The following NUP58 variants were observed in gnomAD, a reference collection of about 807,000 sequenced individuals.
The protein encoded by NUP58 is nucleoporin p58/p45.
Under a neutral mutation model 70.1 loss-of-function variants are expected in NUP58, and 17 were observed. The observed-to-expected ratio is 0.24, with a 90% confidence interval of 0.17 to 0.36. The LOEUF (loss-of-function observed/expected upper bound fraction) is 0.36, where lower values mean the gene tolerates loss of function less well. Among genes scored for constraint, NUP58 ranks in the 10% least tolerant of loss-of-function variants. The pLI is 1.00. For synonymous variants in NUP58, 275 were observed against 257.6 expected, an observed-to-expected ratio of 1.07 and a Z score of -0.65; for missense variants, 644 against 701.5, an observed-to-expected ratio of 0.92 and a Z score of 0.93.
intron 1 of NUP58, among the ~76,000 whole-genome samples, chr13:25,303,672 A>T (rs1333657625): frequency 6.6e-6 from 1 of 152,032 alleles, no homozygotes. Flanking sequence ...AGTGCTGATC[A>T]CAATTGTAAT....
Position 25,332,187 on chromosome 13 carries a change from A to G in NUP58, c.1435+629A>G, listed in dbSNP as rs540069097. On this transcript the variant is annotated intron_variant, in intron 13 of 15. Transcript: ENST00000381736. ...AAGAGCAGGAAAAAGATGTTTTGAG[A>G]TGTGGATTGCACATTAAGGAGCAAC... is the stretch of plus-strand genomic sequence containing the variant. 5.4e-5 allele frequency: 53 copies of G among 986,106 alleles called. No homozygotes were observed. In the Middle Eastern group the frequency reaches 3.1e-3, roughly 58 times the overall value. The allele number at this position is 986,106 out of a possible 1,614,324, so 61.1% of individuals were successfully genotyped here. A position where few individuals can be genotyped will look rare whatever the true frequency, so the allele number is the denominator to read the frequency against.
intron 1 of NUP58, among the ~76,000 whole-genome samples, chr13:25,305,107 C>G (rs541701421): frequency 1.4e-5 from 2 of 143,122 alleles, no homozygotes; most frequent in East Asian, 4.2e-4. Context: ...TAAATTAAGA[C>G]TAAATGTTTA....
In NUP58 at chr13:25,309,247, G is replaced by A; in HGVS notation, c.251G>A (p.Gly84Glu). 1.9e-6 allele frequency: 3 copies of A among 1,604,478 alleles called. No individual in the cohort carries two copies. The highest frequency in any genetic ancestry group is 2.6e-6 in the Non-Finnish European group (3 of 1,171,890). ...ATTTTATTTCTCTTTTTGTCCCCAG[G>A]AATAGCAACAACTATAACTACAGGA... ...TGFTLGGTNT[G>E]IATTITTGLT... Residue 84 changes from glycine to glutamate, a missense_variant and splice_region_variant, in exon 3 of 16, where the codon GGA becomes GAA. By Grantham distance (98) the Gly-to-Glu change is moderately conservative. Coordinates refer to ENST00000381736, the MANE Select transcript of NUP58 (RefSeq NM_014089.4).
At chr13:25,330,626 C>T (rs1234197958) in intron 12 of NUP58, among the ~76,000 whole-genome samples, 1 of 152,150 alleles carries the variant, frequency 6.6e-6, no homozygotes, top group African/African-American at 2.4e-5. Flanking sequence ...AGAATTGTTG[C>T]TGTTGATGGC....
At chr13:25,319,784 ATTC>A (rs1341955386) in intron 7 of NUP58, among the ~76,000 whole-genome samples, 5 of 152,118 alleles carry the variant, frequency 3.3e-5, no homozygotes, top group African/African-American at 4.8e-5. Flanking sequence ...GAAGATGGTC[ATTC>A]TTCTTATTAC....
At chr13:25,346,142 G>A (rs560065779), downstream of NUP58, among the ~76,000 whole-genome samples, 81 of 152,232 alleles carry the variant, frequency 5.3e-4, no homozygotes, top group African/African-American at 1.9e-3. Context: ...AATACATATG[G>A]GTAGGATATT....
intron 13 of NUP58, chr13:25,336,269 G>A: frequency 7.3e-7 from 1 of 1,364,094 alleles, no homozygotes; most frequent in Middle Eastern, 2.1e-4. Flanking sequence ...ATCACTTTTT[G>A]TGAACAAGTT....
Position 25,301,702 on chromosome 13 carries a change from C to T in NUP58, c.-72C>T. The T allele has an allele frequency of 2.5e-6, 2 of 806,282 alleles. No individual in the cohort carries two copies. The highest frequency in any genetic ancestry group is 3.3e-5 in the East Asian group (1 of 30,270). 49.9% of individuals were successfully genotyped at this position (806,282 alleles called of 1,614,324 possible). ...GGCGAGAGAGATGCTGCCCGGCCCG[C>T]CTCGGCTTTGAGGCGAGAGAAGTGT... is the stretch of plus-strand genomic sequence containing the variant. On this transcript the variant is annotated 5_prime_UTR_variant, in exon 1 of 16. Coordinates refer to ENST00000381736, the MANE Select transcript of NUP58 (RefSeq NM_014089.4).
chr13:25,323,623 T>C (rs2031278611), intron 9 of NUP58, among the ~76,000 whole-genome samples: 1 of 152,204 alleles, frequency 6.6e-6, no homozygotes, highest in African/African-American at 2.4e-5. Flanking sequence ...TTCTGGGAAA[T>C]ATAAGCAGTT....
downstream of NUP58, among the ~76,000 whole-genome samples, chr13:25,342,935 A>C (rs953819159): frequency 1.3e-5 from 2 of 152,178 alleles, no homozygotes; most frequent in African/African-American, 4.8e-5. Context: ...ATATAGATTT[A>C]CTTTTTACAT....
rs935416129 is a variant in NUP58, at chr13:25,336,073, A to G, written c.1436-863A>G. On this transcript the variant is annotated intron_variant, in intron 13 of 15. Transcript: ENST00000381736. ...AAATCTTTAAAGTAACAAGAGGGAA[A>G]AGGATGACTAATCGTTCTGCTTCTG... 1.7e-5 allele frequency: 21 copies of G among 1,220,886 alleles called. No individual in the cohort carries two copies. The African/African-American group carries it at 3.5e-4, about 20-fold the overall frequency. The allele number at this position is 1,220,886 out of a possible 1,614,324, so 75.6% of individuals were successfully genotyped here. A position where few individuals can be genotyped will look rare whatever the true frequency, so the allele number is the denominator to read the frequency against.
chr13:25,314,167 A>G (rs1338757564), intron 5 of NUP58, among the ~76,000 whole-genome samples: 2 of 152,128 alleles, frequency 1.3e-5, no homozygotes, highest in Non-Finnish European at 2.9e-5. Flanking sequence ...TTCTGACCTC[A>G]AGTGATCCGG....
chr13:25,302,022 G>A, intron 1 of NUP58, 142 bp downstream of exon 1: 1 of 614,526 alleles, frequency 1.6e-6, no homozygotes, highest in Non-Finnish European at 2.8e-6. Context: ...CTAGCCGCCC[G>A]GCGTCGTAGG....
intron 3 of NUP58, among the ~76,000 whole-genome samples, chr13:25,348,040 T>A (rs1216244289): frequency 2.6e-5 from 4 of 152,190 alleles, no homozygotes; most frequent in Non-Finnish European, 4.4e-5. Context: ...TCTCCCTTGG[T>A]TGAGAAGCAG....
At chr13:25,328,740 AT>A (rs1566067957) in intron 12 of NUP58, among the ~76,000 whole-genome samples, 2 of 152,158 alleles carry the variant, frequency 1.3e-5, no homozygotes, top group Non-Finnish European at 2.9e-5. Flanking sequence ...TTAAAAATGT[AT>A]TTAAGTGAAA....
At chr13:25,343,830 C>CATAT (rs753908293), downstream of NUP58, among the ~76,000 whole-genome samples, 1 of 135,382 alleles carries the variant, frequency 7.4e-6, no homozygotes, top group Non-Finnish European at 1.7e-5. Flanking sequence ...TATATATACA[C>CATAT]ATATATATAT....
chr13:25,323,905 A>G (rs1395349842), intron 9 of NUP58, among the ~76,000 whole-genome samples: 1 of 152,162 alleles, frequency 6.6e-6, no homozygotes, highest in Non-Finnish European at 1.5e-5. Context: ...CCATCAGGTG[A>G]TATGATCCAG....
intron 1 of NUP58, among the ~76,000 whole-genome samples, chr13:25,307,366 C>G (rs2030420699): frequency 6.6e-6 from 1 of 151,966 alleles, no homozygotes; most frequent in African/African-American, 2.4e-5. Context: ...GCGTGTGCCA[C>G]CACCACACCT....
intron 3 of NUP58, chr13:25,310,057 C>CA: frequency 2.6e-6 from 1 of 387,434 alleles, no homozygotes; most frequent in Middle Eastern, 4.0e-4. Flanking sequence ...TTTTTTTCCC[C>CA]TATCAGACAG....
Sources: allele counts gnomAD v4.1 joint callset (sites outside exome capture counted in the v4.1 genomes callset), GRCh38; gene constraint gnomAD v4.1.1; transcripts MANE v1.5; gene names NCBI Gene and HGNC (gene_info 2026-07-23, HGNC 2026-07-21).